The following ZBTB20 variants were observed in gnomAD, a reference collection of about 807,000 sequenced individuals.
The protein encoded by ZBTB20 is zinc finger and BTB domain-containing protein 20.
Under a neutral mutation model 56.9 loss-of-function variants are expected in ZBTB20, and 9 were observed. That is an observed-to-expected ratio of 0.16 (90% CI 0.10 to 0.28). ZBTB20 has a LOEUF of 0.28. Among genes scored for constraint, ZBTB20 ranks in the 10% least tolerant of loss-of-function variants. ZBTB20 has a pLI of 1.00. For missense variants in ZBTB20, 655 were observed against 1,003.0 expected, an observed-to-expected ratio of 0.65 and a Z score of 4.69; for synonymous variants, 417 against 420.7, an observed-to-expected ratio of 0.99 and a Z score of 0.11.
intron 11 of ZBTB20, among the ~76,000 whole-genome samples, chr3:114,349,370 T>C (rs1576274473): frequency 6.6e-6 from 1 of 152,188 alleles, no homozygotes; most frequent in Non-Finnish European, 1.5e-5. Flanking sequence ...TGTACCACTA[T>C]GGAGCTATGA....
intron 1 of ZBTB20, among the ~76,000 whole-genome samples, chr3:115,109,224 A>G (rs2083807170): frequency 6.6e-6 from 1 of 152,168 alleles, no homozygotes; most frequent in African/African-American, 2.4e-5. Context: ...TGTACAGTTT[A>G]TATTTAATAC....
intron 7 of ZBTB20, among the ~76,000 whole-genome samples, chr3:114,398,030 T>G (rs919050539): frequency 1.3e-5 from 2 of 152,156 alleles, no homozygotes; most frequent in African/African-American, 4.8e-5. Context: ...CACATTTCTA[T>G]CTCTGAGCTA....
At position 114,323,527 on chromosome 3, in the gene ZBTB20, C is replaced by T. The variant is rs2078966565; in HGVS notation, c.*15478G>A. 1 of 152,362 alleles carries T rather than the reference C, an allele frequency of 6.6e-6. No individual in the cohort carries two copies. Among genetic ancestry groups the T allele is most frequent in the Non-Finnish European group, 1.5e-5 (1 of 68,050 alleles). 9.4% of individuals were successfully genotyped at this position (152,362 alleles called of 1,614,324 possible). A position where few individuals can be genotyped will look rare whatever the true frequency, so the allele number is the denominator to read the frequency against. On this transcript the variant is annotated 3_prime_UTR_variant, in exon 12 of 12. Transcript: ENST00000675478. ...AGGCTATGTGTTTTTGAAAGGAGCA[C>T]ATCCTACTGCCCTCTGCCACACTAA...
chr3:114,531,692 G>T (rs1463001019), intron 6 of ZBTB20, among the ~76,000 whole-genome samples: 1 of 152,178 alleles, frequency 6.6e-6, no homozygotes, highest in Non-Finnish European at 1.5e-5. Flanking sequence ...AATGACCCTG[G>T]CTGGCAAGAT....
intron 4 of ZBTB20, among the ~76,000 whole-genome samples, chr3:114,849,220 G>A (rs1487030663): frequency 2.0e-5 from 3 of 151,928 alleles, no homozygotes; most frequent in Admixed American, 2.0e-4. Context: ...TAGGCAACAG[G>A]GATAATCTAA....
At chr3:115,002,882 A>C (rs1200410340) in intron 2 of ZBTB20, among the ~76,000 whole-genome samples, 3 of 151,654 alleles carry the variant, frequency 2.0e-5, no homozygotes, top group Non-Finnish European at 4.4e-5. Context: ...CCCAATTTAT[A>C]ATTGCAAAAA....
At chr3:114,447,498 A>T (rs1478791726) in intron 7 of ZBTB20, among the ~76,000 whole-genome samples, 1 of 152,210 alleles carries the variant, frequency 6.6e-6, no homozygotes, top group Non-Finnish European at 1.5e-5. Context: ...CACAGAGAGA[A>T]ATTTAGATAG....
At chr3:114,455,947 C>T (rs933287520) in intron 7 of ZBTB20, among the ~76,000 whole-genome samples, 5 of 152,066 alleles carry the variant, frequency 3.3e-5, no homozygotes, top group East Asian at 3.9e-4. Context: ...GGCCCAGAGT[C>T]GACACTAGAC....
chr3:114,636,799 A>G (rs983570695), intron 6 of ZBTB20, among the ~76,000 whole-genome samples: 2 of 152,060 alleles, frequency 1.3e-5, no homozygotes, highest in African/African-American at 4.8e-5. Flanking sequence ...AATGGCAGTA[A>G]TAAGTTCTCA....
At chr3:115,109,419 A>T (rs1237273614) in intron 1 of ZBTB20, among the ~76,000 whole-genome samples, 5 of 152,190 alleles carry the variant, frequency 3.3e-5, no homozygotes, top group African/African-American at 9.6e-5. Context: ...TCCAAAATAC[A>T]AAAGTTGCTA....
chr3:114,894,546 C>A (rs988546174), intron 4 of ZBTB20, among the ~76,000 whole-genome samples: 1 of 152,024 alleles, frequency 6.6e-6, no homozygotes, highest in African/African-American at 2.4e-5. Context: ...AAGAGGTAAT[C>A]GAGTTAAAAT....
At chr3:114,718,478 G>A (rs76868471) in intron 5 of ZBTB20, among the ~76,000 whole-genome samples, 2,029 of 152,166 alleles carry the variant, frequency 0.013, 49 homozygotes, top group African/African-American at 0.045. Context: ...CATGAGTGGA[G>A]GGAAGTACCT....
chr3:115,050,213 T>C (rs1020320580), intron 2 of ZBTB20, among the ~76,000 whole-genome samples: 52 of 152,032 alleles, frequency 3.4e-4, no homozygotes, highest in African/African-American at 1.2e-3. Context: ...ATTTTATAAA[T>C]GTATGTGACG....
chr3:114,976,948 C>A (rs572004312), intron 2 of ZBTB20, among the ~76,000 whole-genome samples: 1 of 151,796 alleles, frequency 6.6e-6, no homozygotes, highest in Non-Finnish European at 1.5e-5. Context: ...CACCATCTTT[C>A]GTATACCTGA....
chr3:114,531,919 G>A (rs1357148629), intron 6 of ZBTB20, among the ~76,000 whole-genome samples: 3 of 152,146 alleles, frequency 2.0e-5, no homozygotes, highest in African/African-American at 4.8e-5. Context: ...CGAGAAAGCC[G>A]CGAGGGACTG....
chr3:114,342,075 G>C (rs2079822569), intron 11 of ZBTB20, among the ~76,000 whole-genome samples: 1 of 152,228 alleles, frequency 6.6e-6, no homozygotes, highest in South Asian at 2.1e-4. Context: ...CTGTGATGGT[G>C]AAGTGTAGGT....
At chr3:115,071,864 A>G (rs928385815) in intron 1 of ZBTB20, among the ~76,000 whole-genome samples, 4 of 152,170 alleles carry the variant, frequency 2.6e-5, no homozygotes, top group African/African-American at 9.7e-5. Flanking sequence ...TCTGAAAATG[A>G]AACACATCAC....
At chr3:115,025,594 G>T (rs1321404125) in intron 2 of ZBTB20, among the ~76,000 whole-genome samples, 1 of 150,524 alleles carries the variant, frequency 6.6e-6, no homozygotes, top group African/African-American at 2.4e-5. Flanking sequence ...ATGATTCATG[G>T]GATCACAAAA....
Position 114,706,370 on chromosome 3 carries a change from G to T in ZBTB20, c.-342-12795C>A, listed in dbSNP as rs865783144. On this transcript the variant is annotated intron_variant, in intron 5 of 11. Coordinates refer to ENST00000675478, the MANE Select transcript of ZBTB20 (RefSeq NM_001348800.3). The stretch of plus-strand genomic sequence containing the variant: ...GTATTAATGATACATAAATCTGCTG[G>T]GAGTAACAGAAGATGTGAGGTACTT... Among the ~76,000 whole-genome samples the T allele has an allele frequency of 2.2e-4, 34 of 152,206 alleles. 1 individual carries two copies. Among genetic ancestry groups the T allele is most frequent in the Admixed American group, 4.6e-4 (7 of 15,268 alleles).
Sources: allele counts gnomAD v4.1 joint callset (sites outside exome capture counted in the v4.1 genomes callset), GRCh38; gene constraint gnomAD v4.1.1; transcripts MANE v1.5; gene names NCBI Gene and HGNC (gene_info 2026-07-23, HGNC 2026-07-21).